Variants in ITPR3 observed in about 807,000 individuals in gnomAD.
ITPR3 encodes inositol 1,4,5-trisphosphate receptor type 3.
A neutral mutation model predicts 293.2 loss-of-function variants in ITPR3; 173 were observed. The observed-to-expected ratio is 0.59, with a 90% CI of 0.52 to 0.67. The LOEUF is 0.67. Among genes scored for constraint, ITPR3 ranks in the 30% least tolerant of loss-of-function variants. The pLI, the probability that ITPR3 is intolerant of heterozygous loss-of-function variation, is 0.00. For synonymous variants in ITPR3, 1,295 were observed against 1,444.4 expected, an observed-to-expected ratio of 0.90 and a Z score of 2.35; for missense variants, 2,796 against 3,592.1, an observed-to-expected ratio of 0.78 and a Z score of 5.66.
intron 7 of ITPR3, 111 bp downstream of exon 7, chr6:33,659,660 G>A: frequency 2.3e-6 from 2 of 868,222 alleles, no homozygotes; most frequent in Non-Finnish European, 3.7e-6. Flanking sequence ...CCTCTCCCCA[G>A]CTTTGCACCC....
rs1328963120 is a variant in ITPR3 at position 33,675,630 on chromosome 6, A to G, written c.3117-61A>G. The G allele has an allele frequency of 4.0e-6, 6 of 1,516,730 alleles. No individual in the cohort carries two copies. The Admixed American group carries it at 1.2e-4, about 31-fold the overall frequency. The allele number at this position is 1,516,730 out of a possible 1,614,324, so 94.0% of individuals were successfully genotyped here. A position where few individuals can be genotyped will look rare whatever the true frequency, so the allele number is the denominator to read the frequency against. On this transcript the variant is annotated intron_variant, in intron 24 of 57. Coordinates refer to ENST00000605930, the MANE Select transcript of ITPR3 (RefSeq NM_002224.4). The surrounding 1 kb of genome is among the most constrained non-coding windows in gnomAD (Gnocchi z 5.0). ...GTGCTTGTGCCAGGGCCCCTTACCC[A>G]CCACGGACAGCAGGGAGTGTGCCAG...
chr6:33,693,704 A>G lies in ITPR3; in HGVS notation c.7784A>G (p.Lys2595Arg). 1 of 1,613,998 alleles carries G rather than the reference A, an allele frequency of 6.2e-7. No individual in the cohort carries two copies. The highest frequency in any genetic ancestry group is 8.5e-7 in the Non-Finnish European group (1 of 1,179,936). The change falls in exon 56 of 58, where the codon AAG becomes AGG. Residue 2595 changes from lysine (K) to arginine (R), a missense_variant and splice_region_variant. Coordinates refer to ENST00000605930, the MANE Select transcript of ITPR3 (RefSeq NM_002224.4). ...GAGAGCTACGTGGCCCAGATGATCA[A>G]GGTGTGAGCAGGGGCTGTGCCAGGC... ...GPESYVAQMI[K>R]NKNLDWFPRM...
At chr6:33,636,436 A>G (rs1449823677) in intron 1 of ITPR3, among the ~76,000 whole-genome samples, 5 of 151,906 alleles carry the variant, frequency 3.3e-5, no homozygotes, top group African/African-American at 2.4e-5. Flanking sequence ...AGCCTGGACA[A>G]TGTGGTGGTG....
chr6:33,683,353 A>G lies in ITPR3; in HGVS notation c.4744A>G (p.Thr1582Ala). ...TTRAFPRVTP[T>A]ANQWDYKNII... is the part of the protein sequence containing the mutation. ...GCGGGCCTTCCCCCGCGTCACCCCC[A>G]CCGCCAACCAGTGGGACTACAAGAA... The change falls in exon 35 of 58, where the codon ACC becomes GCC. Residue 1582 changes from threonine (T) to alanine (A), a missense_variant. By Grantham distance (58) the Thr-to-Ala change is moderately conservative. This residue lies in a region of ITPR3 where 704 missense variants were observed against 797.5 expected (regional missense o/e 0.88). Transcript: ENST00000605930. This position sits in a 1 kb window ranked among gnomAD's most constrained non-coding sequence, Gnocchi z 4.5. 6.3e-7 allele frequency: 1 copy of G among 1,595,034 alleles called. No individual in the cohort carries two copies. Among genetic ancestry groups the G allele is most frequent in the Non-Finnish European group, 8.5e-7 (1 of 1,171,068 alleles).
intron 1 of ITPR3, among the ~76,000 whole-genome samples, chr6:33,622,552 G>A (rs1396916424): frequency 2.0e-5 from 3 of 152,166 alleles, no homozygotes; most frequent in Admixed American, 2.0e-4. Context: ...GGGCAGGGTC[G>A]GCTATCTTTG....
Position 33,666,084 on chromosome 6 carries a change from C to T in ITPR3, c.1551+108C>T. ...TTAACAAAAATCAGTATATATGGGGCACGACCACGTGCCAGGGACTTCCCT... is the reference window on the plus strand; with the variant it reads ...TTAACAAAAATCAGTATATATGGGGTACGACCACGTGCCAGGGACTTCCCT... On this transcript the variant is annotated intron_variant, in intron 14 of 57. Coordinates refer to ENST00000605930, the MANE Select transcript of ITPR3 (RefSeq NM_002224.4). This position sits in a 1 kb window ranked among gnomAD's most constrained non-coding sequence, Gnocchi z 5.1. The T allele has an allele frequency of 7.6e-7, 1 of 1,319,420 alleles. No individual in the cohort carries two copies. Among genetic ancestry groups the T allele is most frequent in the Non-Finnish European group, 1.0e-6 (1 of 972,614 alleles). The allele number at this position is 1,319,420 out of a possible 1,614,324, so 81.7% of individuals were successfully genotyped here.
Position 33,684,982 on chromosome 6 carries a change from C to T in ITPR3, c.5307+39C>T. On this transcript the variant is annotated intron_variant, in intron 39 of 57. Coordinates refer to ENST00000605930, the MANE Select transcript of ITPR3 (RefSeq NM_002224.4). The surrounding 1 kb of genome is among the most constrained non-coding windows in gnomAD (Gnocchi z 4.2). Reference sequence around the variant, plus strand: ...GGGGCCTGGACATGCCCTCCTTTGCCTCCCTCCCTTTTTGGAGGAGGTGGG... The same window carrying T: ...GGGGCCTGGACATGCCCTCCTTTGCTTCCCTCCCTTTTTGGAGGAGGTGGG... The T allele has an allele frequency of 6.4e-7, 1 of 1,569,284 alleles. No homozygotes were observed. The highest frequency in any genetic ancestry group is 1.2e-5 in the South Asian group (1 of 83,872).
Position 33,667,405 on chromosome 6 carries a change from G to A in ITPR3, c.1713+115G>A. ...TGTTTTGGGGCCTAGGGTCCAGTAG[G>A]GCACCAGACAGCAGGGCCGGGTTCA... On this transcript the variant is annotated intron_variant, in intron 15 of 57. Transcript: ENST00000605930. The surrounding 1 kb of genome is among the most constrained non-coding windows in gnomAD (Gnocchi z 4.4). The A allele has an allele frequency of 7.4e-7, 1 of 1,352,526 alleles. No individual in the cohort carries two copies. The highest frequency in any genetic ancestry group is 2.5e-5 in the East Asian group (1 of 39,710). The allele number at this position is 1,352,526 out of a possible 1,614,324, so 83.8% of individuals were successfully genotyped here.
At chr6:33,690,892 T>C (rs1765369293) in intron 51 of ITPR3, 25 bp from the exon 52 acceptor site, 7 of 1,608,858 alleles carry the variant, frequency 4.4e-6, no homozygotes, top group Non-Finnish European at 6.0e-6. Flanking sequence ...CAAGGTGCCA[T>C]CCCTATCTCA....
chr6:33,623,321 GTTTTGTTTTTTT>G (rs776455626), intron 1 of ITPR3, among the ~76,000 whole-genome samples: 1 of 118,266 alleles, frequency 8.5e-6, no homozygotes, highest in South Asian at 3.0e-4. Flanking sequence ...GTGCCTGTGA[GTTTTGTTTTTTT>G]TTTTTTTTTT....
At chr6:33,688,605 G>A (rs1228268320) in intron 48 of ITPR3, 51 bp from the exon 49 acceptor site, 4 of 1,609,202 alleles carry the variant, frequency 2.5e-6, no homozygotes, top group Non-Finnish European at 2.5e-6. Context: ...GCAAGGGGCA[G>A]GGGGTGCTCA....
chr6:33,694,503 C>T, intron 56 of ITPR3: 1 of 239,420 alleles, frequency 4.2e-6, no homozygotes, highest in Non-Finnish European at 8.2e-6. Flanking sequence ...CCTCAATTTG[C>T]CATCTGTCTG....
chr6:33,627,869 T>G (rs1582095311), intron 1 of ITPR3, among the ~76,000 whole-genome samples: 2 of 152,246 alleles, frequency 1.3e-5, no homozygotes, highest in African/African-American at 4.8e-5. Flanking sequence ...AGGGATGAAG[T>G]GGAGAGGGGG....
In ITPR3 at chr6:33,664,411, C is replaced by T. The variant is rs1486168523; in HGVS notation, c.1149-459C>T. On this transcript the variant is annotated intron_variant, in intron 11 of 57. Coordinates refer to ENST00000605930, the MANE Select transcript of ITPR3 (RefSeq NM_002224.4). This position sits in a 1 kb window ranked among gnomAD's most constrained non-coding sequence, Gnocchi z 4.4. ...GGCCCACAGTCCCTTCCCTGAAACT[C>T]TTGGGGGTAGATGGATTTGGTATTC... is the stretch of plus-strand genomic sequence containing the variant. Among the ~76,000 whole-genome samples the T allele has an allele frequency of 6.6e-6, 1 of 152,186 alleles. No individual in the cohort carries two copies. The highest frequency in any genetic ancestry group is 1.5e-5 in the Non-Finnish European group (1 of 68,034).
chr6:33,667,035 C>A lies in ITPR3; in HGVS notation c.1552-94C>A. The stretch of plus-strand genomic sequence containing the variant: ...GCTGATGTCCGGGCTGGCTTTAGGG[C>A]AGAGTCAGTTGGGACTCAGGGATGA... On this transcript the variant is annotated intron_variant, in intron 14 of 57. Transcript: ENST00000605930. The surrounding 1 kb of genome is among the most constrained non-coding windows in gnomAD (Gnocchi z 4.4). 1 of 1,448,860 alleles carries A rather than the reference C, an allele frequency of 6.9e-7. No individual in the cohort carries two copies. The highest frequency in any genetic ancestry group is 9.4e-7 in the Non-Finnish European group (1 of 1,061,248). 89.8% of individuals were successfully genotyped at this position (1,448,860 alleles called of 1,614,324 possible).
At chr6:33,686,289 TG>T (rs757275682) in intron 42 of ITPR3, 36 bp downstream of exon 42, 1 of 1,607,050 alleles carries the variant, frequency 6.2e-7, no homozygotes, top group Non-Finnish European at 8.5e-7. Context: ...GCAGCCAGGG[TG>T]GCAGTGTGGA....
In ITPR3 at chr6:33,667,976, C is replaced by T. The variant is rs759238871; in HGVS notation, c.1886+12C>T. 6.2e-7 allele frequency: 1 copy of T among 1,613,500 alleles called. No homozygotes were observed. The highest frequency in any genetic ancestry group is 1.3e-5 in the African/African-American group (1 of 75,044). On this transcript the variant is annotated intron_variant, in intron 16 of 57. Transcript: ENST00000605930. This position sits in a 1 kb window ranked among gnomAD's most constrained non-coding sequence, Gnocchi z 4.4. ...AACCGGGAGCCCAGGTGGGCCCGAACCCCCTCCCCGGCCGGCGCCTGCTCC... is the reference window on the plus strand; with the variant it reads ...AACCGGGAGCCCAGGTGGGCCCGAATCCCCTCCCCGGCCGGCGCCTGCTCC...
rs1019441841 is a variant in ITPR3 at position 33,670,999 on chromosome 6, T to C, written c.2587-166T>C. 17 of 813,120 alleles carry C rather than the reference T, an allele frequency of 2.1e-5. No homozygotes were observed. In the African/African-American group the frequency reaches 3.0e-4, roughly 14 times the overall value. The allele number at this position is 813,120 out of a possible 1,614,324, so 50.4% of individuals were successfully genotyped here. On this transcript the variant is annotated intron_variant, in intron 20 of 57. Transcript: ENST00000605930. This position sits in a 1 kb window ranked among gnomAD's most constrained non-coding sequence, Gnocchi z 6.7. ...TCCAAGAGGCAGGCTCCTGTTCCAA[T>C]GCCTGGGAAAGGGCTGCCTCTCCCT...
intron 1 of ITPR3, among the ~76,000 whole-genome samples, chr6:33,623,845 A>T (rs1290770832): frequency 6.6e-6 from 1 of 152,100 alleles, no homozygotes; most frequent in African/African-American, 2.4e-5. Context: ...CTCCCTCTGC[A>T]AACACCTCCA....
Sources: gnomAD v4.1 joint callset for allele counts (sites outside exome capture counted in the v4.1 genomes callset) on GRCh38, gnomAD v4.1.1 for gene constraint, gnomAD v4.1.1 regional missense constraint, Gnocchi (gnomAD v3.1) non-coding constraint, MANE v1.5 for transcripts, NCBI Gene and HGNC (gene_info 2026-07-23, HGNC 2026-07-21) for gene names.